The following EYA4 variants were observed in gnomAD, a reference collection of about 807,000 sequenced individuals.
EYA4 encodes protein phosphatase EYA4.
A neutral mutation model predicts 87.9 loss-of-function variants in EYA4; 31 were observed. The ratio of observed to expected loss-of-function variants is 0.35; its 90% CI spans 0.27 to 0.48. EYA4 has a LOEUF of 0.48. Ranked by LOEUF, EYA4 falls within the 20% of genes least tolerant of loss-of-function variation. EYA4 has a pLI of 0.99. For synonymous variants in EYA4, 263 were observed against 270.6 expected (o/e 0.97, Z 0.28); for missense variants, 678 against 761.4 (o/e 0.89, Z 1.29).
At chr6:133,336,012 A>G (rs1782338948) in intron 2 of EYA4, among the ~76,000 whole-genome samples, 1 of 152,178 alleles carries the variant, frequency 6.6e-6, no homozygotes, top group Non-Finnish European at 1.5e-5. Flanking sequence ...AGAAATTAAA[A>G]TTCATGAATC....
At chr6:133,313,874 T>C (rs1291102587) in intron 2 of EYA4, among the ~76,000 whole-genome samples, 1 of 145,738 alleles carries the variant, frequency 6.9e-6, no homozygotes, top group Non-Finnish European at 1.5e-5. Context: ...TCCCTTTCCA[T>C]GAGGATCTTT....
At chr6:133,292,158 G>A (rs1486133668) in intron 2 of EYA4, among the ~76,000 whole-genome samples, 1 of 152,168 alleles carries the variant, frequency 6.6e-6, no homozygotes, top group South Asian at 2.1e-4. Context: ...GGAACTTACT[G>A]TAATAGCATC....
chr6:133,363,624 G>A (rs927247901), intron 2 of EYA4, among the ~76,000 whole-genome samples: 2 of 143,542 alleles, frequency 1.4e-5, no homozygotes, highest in African/African-American at 2.6e-5. Flanking sequence ...ACAGGCGCAC[G>A]CTGCCACGCC....
chr6:133,501,233 C>T (rs553060814), intron 13 of EYA4, among the ~76,000 whole-genome samples: 1 of 152,082 alleles, frequency 6.6e-6, no homozygotes, highest in African/African-American at 2.4e-5. Context: ...TCTGCTTGTC[C>T]TGGTTTTTCT....
intron 2 of EYA4, among the ~76,000 whole-genome samples, chr6:133,299,280 G>A (rs1318087040): frequency 6.6e-6 from 1 of 152,214 alleles, no homozygotes. Flanking sequence ...TAATCATGAA[G>A]CTATTTCCAT....
At chr6:133,262,445 C>T (rs1247476034) in intron 1 of EYA4, among the ~76,000 whole-genome samples, 3 of 152,124 alleles carry the variant, frequency 2.0e-5, no homozygotes, top group East Asian at 1.9e-4. Context: ...CCTTAGTATC[C>T]GTAGGGGTGA....
intron 2 of EYA4, among the ~76,000 whole-genome samples, chr6:133,364,431 A>G (rs1784700741): frequency 6.6e-6 from 1 of 152,198 alleles, no homozygotes; most frequent in Admixed American, 6.5e-5. Flanking sequence ...GGTGTTGGAC[A>G]TGCGACACAC....
In EYA4 at chr6:133,262,253, G is replaced by A. The variant is rs532460869; in HGVS notation, c.-65-12463G>A. On this transcript the variant is annotated intron_variant, in intron 1 of 19. Coordinates refer to ENST00000355286, the MANE Select transcript of EYA4 (RefSeq NM_004100.5). ...ACACAGAAGAGAGATTTATGGCTGA[G>A]AAAAAGGCAGATTGCTTCTAAGAAA... Among the ~76,000 whole-genome samples, 5 of 152,336 alleles carry A rather than the reference G, an allele frequency of 3.3e-5. No homozygotes were observed. In the East Asian group the frequency reaches 9.6e-4, roughly 29 times the overall value.
intron 1 of EYA4, among the ~76,000 whole-genome samples, chr6:133,258,035 T>A (rs1775482420): frequency 6.6e-6 from 1 of 152,138 alleles, no homozygotes; most frequent in Non-Finnish European, 1.5e-5. Flanking sequence ...TTTTTCACGA[T>A]CATGAAAAAG....
chr6:133,456,684 T>A, intron 6 of EYA4, 36 bp downstream of exon 6: 1 of 1,248,442 alleles, frequency 8.0e-7, no homozygotes, highest in East Asian at 2.3e-5. Context: ...TACGTACACA[T>A]GGGGGTGCAT....
intron 12 of EYA4, 125 bp from the exon 13 acceptor site, chr6:133,482,907 A>C (rs950427726): frequency 1.3e-6 from 1 of 796,376 alleles, no homozygotes; most frequent in Non-Finnish European, 2.0e-6. Context: ...CAAAAAAATG[A>C]ATAGTATTAT....
chr6:133,353,940 T>G (rs1783824879), intron 2 of EYA4, among the ~76,000 whole-genome samples: 1 of 152,092 alleles, frequency 6.6e-6, no homozygotes, highest in Non-Finnish European at 1.5e-5. Context: ...TTTCAAAAAG[T>G]TGTTTGTTGA....
intron 10 of EYA4, among the ~76,000 whole-genome samples, chr6:133,465,468 T>G (rs575480170): frequency 6.6e-6 from 1 of 152,300 alleles, no homozygotes; most frequent in East Asian, 1.9e-4. Flanking sequence ...CTCCTTCTAA[T>G]TATGTTTTCT....
At chr6:133,462,578 A>G in intron 8 of EYA4, 43 bp from the exon 9 acceptor site, 4 of 1,613,520 alleles carry the variant, frequency 2.5e-6, no homozygotes, top group Non-Finnish European at 3.4e-6. Context: ...AAGGAAAATC[A>G]TCTTACTAAT....
At chr6:133,477,008 A>C (rs542133755) in intron 11 of EYA4, among the ~76,000 whole-genome samples, 1 of 148,786 alleles carries the variant, frequency 6.7e-6, no homozygotes, top group East Asian at 2.0e-4. Context: ...AGTTTTATAC[A>C]TGTTTGGTAG....
chr6:133,243,274 A>G (rs1005105708), intron 1 of EYA4, among the ~76,000 whole-genome samples: 34 of 152,306 alleles, frequency 2.2e-4, no homozygotes, highest in Non-Finnish European at 2.9e-4. Flanking sequence ...AAGGGCTCAT[A>G]CTTAACAGTT....
intron 13 of EYA4, among the ~76,000 whole-genome samples, chr6:133,495,136 G>A (rs1797526640): frequency 6.6e-6 from 1 of 151,890 alleles, no homozygotes; most frequent in African/African-American, 2.4e-5. Context: ...AGGTGTGGTG[G>A]TGGGCACCTG....
At chr6:133,525,472 A>G (rs1266874924) in intron 19 of EYA4, among the ~76,000 whole-genome samples, 4 of 152,156 alleles carry the variant, frequency 2.6e-5, no homozygotes, top group African/African-American at 9.7e-5. Flanking sequence ...AAATTTAGTT[A>G]TATTTATTTA....
At chr6:133,408,003 G>T (rs189129487) in intron 3 of EYA4, among the ~76,000 whole-genome samples, 83 of 152,224 alleles carry the variant, frequency 5.5e-4, no homozygotes, top group Non-Finnish European at 8.8e-4. Flanking sequence ...CATGAAAAAG[G>T]GATTAGGCAA....
Sources: allele counts gnomAD v4.1 joint callset (sites outside exome capture counted in the v4.1 genomes callset), GRCh38; gene constraint gnomAD v4.1.1; transcripts MANE v1.5; gene names NCBI Gene and HGNC (gene_info 2026-07-23, HGNC 2026-07-21).